The following CTCFL variants were observed in gnomAD, a reference collection of about 807,000 sequenced individuals.
CTCFL encodes CCCTC-binding factor like, also known as transcriptional repressor CTCFL.
Under a neutral mutation model 67.4 loss-of-function variants are expected in CTCFL, and 36 were observed. The observed-to-expected ratio is 0.53, with a 90% confidence interval of 0.41 to 0.71. CTCFL has a LOEUF of 0.71. Among genes scored for constraint, CTCFL ranks in the 30% least tolerant of loss-of-function variants. CTCFL has a pLI of 0.00. For synonymous variants in CTCFL, 324 were observed against 302.3 expected (o/e 1.07, Z -0.75); for missense variants, 786 against 835.2 (o/e 0.94, Z 0.73).
chr20:57,517,558 G>A (rs372953027), intron 5 of CTCFL, among the ~76,000 whole-genome samples: 5 of 152,076 alleles, frequency 3.3e-5, no homozygotes, highest in Admixed American at 6.6e-5. Flanking sequence ...GATTGCAGGC[G>A]TGAGCCACCG....
At chr20:57,496,012 T>G, downstream of CTCFL, 1 of 379,832 alleles carries the variant, frequency 2.6e-6, no homozygotes, top group Non-Finnish European at 4.7e-6. Context: ...TAACATACAT[T>G]TGGTTGTAGT....
intron 9 of CTCFL, chr20:57,506,928 C>T (rs1273505796): frequency 1.0e-6 from 1 of 985,248 alleles, no homozygotes; most frequent in African/African-American, 1.7e-5. Context: ...AACTATCCCA[C>T]TGTGCTACTC....
intron 10 of CTCFL, 105 bp from the exon 11 acceptor site, chr20:57,498,806 G>A (rs748642331): frequency 5.4e-5 from 52 of 970,280 alleles, no homozygotes; most frequent in Non-Finnish European, 7.2e-5. Flanking sequence ...ATTTGAACAC[G>A]GCAGCAAGCA....
chr20:57,503,485 C>T lies in CTCFL; in HGVS notation c.1791G>A (p.Lys597=). Residue 597 remains lysine (K), a synonymous_variant, in exon 10 of 11, where the codon AAG becomes AAA. Transcript: ENST00000243914. ...ATCCCTTCGCAGCTTCCTTCTGACC[C>T]TTTGTGGCTTCCTTCAGGATGGTCT... is the stretch of plus-strand genomic sequence containing the variant. ...RKQTILKEAT[K]GQKEAAKGWK... is the part of the protein sequence containing the mutation. The T allele has an allele frequency of 6.2e-7, 1 of 1,614,206 alleles. No individual in the cohort carries two copies. Among genetic ancestry groups the T allele is most frequent in the Non-Finnish European group, 8.5e-7 (1 of 1,180,034 alleles).
At chr20:57,496,978 T>C (rs1403704446), downstream of CTCFL, among the ~76,000 whole-genome samples, 3 of 151,566 alleles carry the variant, frequency 2.0e-5, no homozygotes, top group Non-Finnish European at 4.4e-5. Context: ...GGAAGTGGGA[T>C]TGGTGGGTCA....
chr20:57,513,053 G>C (rs74812485), intron 7 of CTCFL, among the ~76,000 whole-genome samples: 1 of 152,114 alleles, frequency 6.6e-6, no homozygotes, highest in Admixed American at 6.6e-5. Context: ...TGCTTTAAAC[G>C]AACAGAATGC....
chr20:57,503,596 G>A lies in CTCFL; in HGVS notation c.1680C>T (p.Asn560=), dbSNP rs565571841. 12 of 1,614,074 alleles carry A rather than the reference G, an allele frequency of 7.4e-6. No homozygotes were observed. Among genetic ancestry groups the A allele is most frequent in the South Asian group, 6.6e-5 (6 of 91,080 alleles). The part of the protein sequence containing the change: ...KCGKGFSRWI[N]LHRHSEKCGS... ...CACACTTCTCCGAATGTCTGTGCAGGTTAATCTGTCGGAGAATTGACACAG... is the reference window on the plus strand; with the variant it reads ...CACACTTCTCCGAATGTCTGTGCAGATTAATCTGTCGGAGAATTGACACAG... Residue 560 remains asparagine (N), a synonymous_variant, in exon 10 of 11, where the codon AAC becomes AAT. Transcript: ENST00000243914.
intron 5 of CTCFL, among the ~76,000 whole-genome samples, chr20:57,516,545 T>A (rs924367149): frequency 4.0e-5 from 6 of 151,648 alleles, no homozygotes; most frequent in African/African-American, 1.4e-4. Context: ...TCAAAAAAAA[T>A]AAAAATAAAA....
In CTCFL at chr20:57,497,480, G is replaced by A; in HGVS notation, c.*1070C>T. ...AATGATCTTGAAATACAGGGGTGGA[G>A]ACAGGTTGGCAGCAAAACAAACTGC... On this transcript the variant is annotated 3_prime_UTR_variant, in exon 11 of 11. Coordinates refer to ENST00000243914, the MANE Select transcript of CTCFL (RefSeq NM_001386993.1). 1.0e-6 allele frequency: 1 copy of A among 985,414 alleles called. No individual in the cohort carries two copies. Among genetic ancestry groups the A allele is most frequent in the Non-Finnish European group, 1.2e-6 (1 of 829,930 alleles). 61.0% of individuals were successfully genotyped at this position (985,414 alleles called of 1,614,324 possible).
At chr20:57,505,347 C>T (rs1180819279) in intron 9 of CTCFL, among the ~76,000 whole-genome samples, 1 of 151,674 alleles carries the variant, frequency 6.6e-6, no homozygotes, top group African/African-American at 2.4e-5. Context: ...GCTCCGCCTC[C>T]CGGGTTCATG....
chr20:57,507,469 A>G (rs911686303), intron 9 of CTCFL: 2 of 661,110 alleles, frequency 3.0e-6, no homozygotes, highest in African/African-American at 3.5e-5. Flanking sequence ...AAGTACTGGG[A>G]TTACAGGTGT....
chr20:57,519,223 A>C lies in CTCFL; in HGVS notation c.909T>G (p.His303Gln), dbSNP rs148780907. Reference protein sequence around the residue: ...TFRTVTLLRNHVNTHTGTRPY... With the variant: ...TFRTVTLLRNQVNTHTGTRPY... ...CAGTTTTACCTGTGTGGGTGTTAACATGGTTCCGCAGCAGAGTGACCGTAC... is the reference window on the plus strand; with the variant it reads ...CAGTTTTACCTGTGTGGGTGTTAACCTGGTTCCGCAGCAGAGTGACCGTAC... Residue 303 changes from histidine (H) to glutamine (Q), a missense_variant, in exon 4 of 11, where the codon CAT becomes CAG. By Grantham distance (24) the His-to-Gln change is conservative (BLOSUM62 0). Transcript: ENST00000243914. The C allele has an allele frequency of 1.2e-6, 2 of 1,614,178 alleles. No homozygotes were observed. The highest frequency in any genetic ancestry group is 2.2e-5 in the South Asian group (2 of 91,082).
rs116020789 is a variant in CTCFL, at chr20:57,503,341, G to A, written c.1840+95C>T. On this transcript the variant is annotated intron_variant, in intron 10 of 10. Transcript: ENST00000243914. ...CGACTGGTGGACAAATAGGGGCTCT[G>A]GACACATCCCCTGGACAGTAACACT... 1,387 of 1,448,270 alleles carry A rather than the reference G, an allele frequency of 9.6e-4. 12 individuals carry two copies. The African/African-American group carries it at 0.017, about 18-fold the overall frequency. 89.7% of individuals were successfully genotyped at this position (1,448,270 alleles called of 1,614,324 possible).
Position 57,512,663 on chromosome 20 carries a change from T to G in CTCFL, c.1420A>C (p.Ile474Leu). 1.9e-6 allele frequency: 3 copies of G among 1,614,262 alleles called. No individual in the cohort carries two copies. The highest frequency in any genetic ancestry group is 1.3e-5 in the African/African-American group (1 of 75,076). The stretch of plus-strand genomic sequence containing the variant: ...TTCTTATGAGTTTTCTGGTGCTGAA[T>G]GAGGGCATAGCGTTCATGGAAGACA... Reference protein sequence around the residue: ...SAVFHERYALIQHQKTHKNEK... With the variant: ...SAVFHERYALLQHQKTHKNEK... Residue 474 changes from isoleucine to leucine, a missense_variant, in exon 8 of 11, where the codon ATT (isoleucine) becomes CTT (leucine). Coordinates refer to ENST00000243914, the MANE Select transcript of CTCFL (RefSeq NM_001386993.1).
At chr20:57,513,784 T>G in intron 7 of CTCFL, 1 of 1,258,158 alleles carries the variant, frequency 7.9e-7, no homozygotes, top group Non-Finnish European at 1.0e-6. Flanking sequence ...GGGTCAAATT[T>G]TTTGTTCTGC....
At chr20:57,496,552 C>T (rs1283256111), downstream of CTCFL, among the ~76,000 whole-genome samples, 1 of 152,170 alleles carries the variant, frequency 6.6e-6, no homozygotes, top group East Asian at 1.9e-4. Flanking sequence ...ATCTCCAGAA[C>T]TCTTTCTTCA....
In CTCFL at chr20:57,524,816, G is replaced by A. The variant is rs765739134; in HGVS notation, c.-12+212C>T. On this transcript the variant is annotated intron_variant, in intron 1 of 10. Transcript: ENST00000243914. ...CCCAGACTTGGCCAAGCAGCCCTCG[G>A]CCAGACCAAGCACACTCCCTCGGAG... 6.3e-5 allele frequency: 59 copies of A among 937,382 alleles called. 1 individual carries two copies. The highest frequency in any genetic ancestry group is 7.5e-5 in the Non-Finnish European group (59 of 787,214). The allele number at this position is 937,382 out of a possible 1,614,324, so 58.1% of individuals were successfully genotyped here. A position where few individuals can be genotyped will look rare whatever the true frequency, so the allele number is the denominator to read the frequency against.
intron 1 of CTCFL, 192 bp from the exon 2 acceptor site, chr20:57,524,408 AT>A (rs2069691094): frequency 2.8e-6 from 4 of 1,419,664 alleles, no homozygotes; most frequent in Non-Finnish European, 2.7e-6. Context: ...GCTAAGCAGG[AT>A]TTAGGCTAAA....
At position 57,512,769 on chromosome 20, in the gene CTCFL, A is replaced by C; in HGVS notation, c.1331-17T>G. 6.2e-7 allele frequency: 1 copy of C among 1,612,112 alleles called. No homozygotes were observed. The highest frequency in any genetic ancestry group is 8.5e-7 in the Non-Finnish European group (1 of 1,178,258). On this transcript the variant is annotated splice_polypyrimidine_tract_variant and intron_variant, in intron 7 of 10. Coordinates refer to ENST00000243914, the MANE Select transcript of CTCFL (RefSeq NM_001386993.1). ...TATGCACACCTAAAATGGTCACAGA[A>C]CATTATATACTTCAAGAGTGTTGTT...
Sources: gnomAD v4.1 joint callset for allele counts (sites outside exome capture counted in the v4.1 genomes callset) on GRCh38, gnomAD v4.1.1 for gene constraint, MANE v1.5 for transcripts, NCBI Gene and HGNC (gene_info 2026-07-23, HGNC 2026-07-21) for gene names.